Variants in SMIM13 observed in about 807,000 individuals in gnomAD.
The protein encoded by SMIM13 is UPF0766 protein C6orf228.
In SMIM13, 3 loss-of-function variants were observed where a neutral mutation model predicts 5.9. That is an observed-to-expected ratio of 0.51 (90% confidence interval 0.23 to 1.31). The LOEUF is 1.31. Among genes scored for constraint, SMIM13 ranks in the 40% most tolerant of loss-of-function variants. The pLI is 0.18. For synonymous variants in SMIM13, 55 were observed against 46.0 expected, an observed-to-expected ratio of 1.19 and a Z score of -0.79; for missense variants, 85 against 109.9, an observed-to-expected ratio of 0.77 and a Z score of 1.01.
intron 1 of SMIM13, among the ~76,000 whole-genome samples, chr6:11,129,499 C>T (rs1005902917): frequency 6.6e-6 from 1 of 152,170 alleles, no homozygotes; most frequent in Admixed American, 6.6e-5. Context: ...AGCATGTATG[C>T]AGATATCTCT....
Position 11,131,856 on chromosome 6 carries a change from A to C in SMIM13, c.77-2547A>C, listed in dbSNP as rs1018643808. Reference sequence around the variant, plus strand: ...TAGATGTAAATCTTCATGACGTAGGATTGGTCAGTGGTTTCCTAGATATGC... The same window carrying C: ...TAGATGTAAATCTTCATGACGTAGGCTTGGTCAGTGGTTTCCTAGATATGC... On this transcript the variant is annotated intron_variant, in intron 1 of 1. Transcript: ENST00000416247. 5.3e-5 allele frequency among the ~76,000 whole-genome samples: 8 copies of C among 152,250 alleles called. No homozygotes were observed. The East Asian group carries it at 1.5e-3, about 29-fold the overall frequency.
rs573832268 is a variant in SMIM13 at position 11,134,397 on chromosome 6, C to G, written c.77-6C>G. The G allele has an allele frequency of 4.5e-5, 69 of 1,548,652 alleles. No individual in the cohort carries two copies. In the African/African-American group the frequency reaches 9.3e-4, roughly 21 times the overall value. On this transcript the variant is annotated splice_region_variant and splice_polypyrimidine_tract_variant and intron_variant, in intron 1 of 1. Transcript: ENST00000416247. ...CTTTTCTTAATGTTTTTGTCTTTCT[C>G]TGTAGGTTGGTATTTTGTATGGCAT...
chr6:11,133,662 TC>T (rs1362822160), intron 1 of SMIM13, among the ~76,000 whole-genome samples: 1 of 152,112 alleles, frequency 6.6e-6, no homozygotes, highest in African/African-American at 2.4e-5. Context: ...TCCTGTGTGT[TC>T]CTTTATTGAT....
chr6:11,104,367 C>G (rs902912520), intron 1 of SMIM13: 1 of 1,551,670 alleles, frequency 6.4e-7, no homozygotes, highest in African/African-American at 1.4e-5. Flanking sequence ...GGTACAAGTT[C>G]CAGTCCAGTT....
intron 1 of SMIM13, among the ~76,000 whole-genome samples, chr6:11,117,411 G>A (rs956938963): frequency 1.7e-4 from 26 of 150,324 alleles, no homozygotes; most frequent in Non-Finnish European, 3.4e-4. Flanking sequence ...TCTTGACCTC[G>A]TGATCCGCCT....
At position 11,106,996 on chromosome 6, in the gene SMIM13, G is replaced by A. The variant is rs530972650; in HGVS notation, c.76+12607G>A. 9.2e-5 allele frequency among the ~76,000 whole-genome samples: 14 copies of A among 152,308 alleles called. 1 individual carries two copies. In the South Asian group the frequency reaches 1.4e-3, roughly 16 times the overall value. Reference sequence around the variant, plus strand: ...TTTAGGGCTTTCGTCAGCACAGTGAGTTTGGCTAATTGCACAGAGGTCCCC... The same window carrying A: ...TTTAGGGCTTTCGTCAGCACAGTGAATTTGGCTAATTGCACAGAGGTCCCC... On this transcript the variant is annotated intron_variant, in intron 1 of 1. Transcript: ENST00000416247.
chr6:11,097,089 C>T (rs1013999414), intron 1 of SMIM13, among the ~76,000 whole-genome samples: 8 of 152,150 alleles, frequency 5.3e-5, no homozygotes, highest in African/African-American at 1.2e-4. Flanking sequence ...CTGCCCACCT[C>T]GACCTCCCAA....
chr6:11,093,839 AG>A lies in SMIM13; in HGVS notation c.-474del, dbSNP rs1757884337. Among the ~76,000 whole-genome samples the A allele has an allele frequency of 6.6e-6, 1 of 152,192 alleles. No homozygotes were observed. The highest frequency in any genetic ancestry group is 2.1e-4 in the South Asian group (1 of 4,832). On this transcript the variant is annotated 5_prime_UTR_variant, in exon 1 of 2. Transcript: ENST00000416247. The stretch of plus-strand genomic sequence containing the variant: ...AGCGGTAGGGGGCCTGGGGCGGAGA[AG>A]CCGCTACAGCCGCGGCCGGGCGACG...
chr6:11,117,014 CGTA>C (rs1344419333), intron 1 of SMIM13, among the ~76,000 whole-genome samples: 3 of 59,496 alleles, frequency 5.0e-5, no homozygotes, highest in Non-Finnish European at 8.7e-5. Context: ...TTTTTTGAGA[CGTA>C]GTCTTGCTCT....
intron 1 of SMIM13, among the ~76,000 whole-genome samples, chr6:11,122,401 A>G (rs907174294): frequency 6.6e-6 from 1 of 152,240 alleles, no homozygotes; most frequent in African/African-American, 2.4e-5. Flanking sequence ...TATGAATCCT[A>G]TCCTCTTGTG....
At chr6:11,115,006 C>T (rs923601649) in intron 1 of SMIM13, among the ~76,000 whole-genome samples, 2 of 152,088 alleles carry the variant, frequency 1.3e-5, no homozygotes, top group African/African-American at 4.8e-5. Context: ...ACATGTTATC[C>T]ATTTTCTATA....
rs547814349 is a variant in SMIM13, at chr6:11,137,280, T to C, written c.*2678T>C. On this transcript the variant is annotated 3_prime_UTR_variant, in exon 2 of 2. Coordinates refer to ENST00000416247, the MANE Select transcript of SMIM13 (RefSeq NM_001135575.2). ...AAGATCTATAAACAAATCCTTTGTT[T>C]AGAACTTTTTTCTCTTCGTGCACCT... 6.6e-6 allele frequency: 1 copy of C among 152,286 alleles called. No individual in the cohort carries two copies. Among genetic ancestry groups the C allele is most frequent in the Admixed American group, 6.5e-5 (1 of 15,284 alleles). 9.4% of individuals were successfully genotyped at this position (152,286 alleles called of 1,614,324 possible).
chr6:11,115,428 G>T (rs1242181310), intron 1 of SMIM13, among the ~76,000 whole-genome samples: 1 of 152,114 alleles, frequency 6.6e-6, no homozygotes, highest in Non-Finnish European at 1.5e-5. Flanking sequence ...TTGTGACTGA[G>T]GACTCAAGGT....
intron 1 of SMIM13, among the ~76,000 whole-genome samples, chr6:11,096,760 C>T (rs1180971680): frequency 6.6e-6 from 1 of 151,762 alleles, no homozygotes; most frequent in Non-Finnish European, 1.5e-5. Context: ...AGTGCAATGG[C>T]GTGATCTCGG....
At chr6:11,124,134 C>G in intron 1 of SMIM13, among the ~76,000 whole-genome samples, 1 of 152,024 alleles carries the variant, frequency 6.6e-6, no homozygotes, top group Non-Finnish European at 1.5e-5. Flanking sequence ...ACCCATTAAC[C>G]ATTCCCACTC....
intron 1 of SMIM13, among the ~76,000 whole-genome samples, chr6:11,124,245 C>T (rs968850535): frequency 1.3e-5 from 2 of 152,172 alleles, no homozygotes; most frequent in South Asian, 2.1e-4. Flanking sequence ...AGTGAGAACA[C>T]GCAAAGTTTG....
intron 1 of SMIM13, among the ~76,000 whole-genome samples, chr6:11,114,592 CTTTTTT>C (rs58585640): frequency 9.2e-5 from 2 of 21,824 alleles, no homozygotes; most frequent in African/African-American, 2.1e-4. Context: ...CACTTTTTCT[CTTTTTT>C]TTTTTTTTTT....
chr6:11,093,852 G>A lies in SMIM13; in HGVS notation c.-462G>A, dbSNP rs1178784658. On this transcript the variant is annotated 5_prime_UTR_variant, in exon 1 of 2. Transcript: ENST00000416247. ...CTGGGGCGGAGAAGCCGCTACAGCC[G>A]CGGCCGGGCGACGCTGACATCTGGC... is the stretch of plus-strand genomic sequence containing the variant. Among the ~76,000 whole-genome samples the A allele has an allele frequency of 6.6e-6, 1 of 152,238 alleles. No homozygotes were observed. Among genetic ancestry groups the A allele is most frequent in the Non-Finnish European group, 1.5e-5 (1 of 68,042 alleles).
At position 11,105,189 on chromosome 6, in the gene SMIM13, G is replaced by A. The variant is rs569834054; in HGVS notation, c.76+10800G>A. The A allele has an allele frequency of 5.0e-6, 8 of 1,614,208 alleles. No homozygotes were observed. In the African/African-American group the frequency reaches 9.3e-5, roughly 19 times the overall value. On this transcript the variant is annotated intron_variant, in intron 1 of 1. Coordinates refer to ENST00000416247, the MANE Select transcript of SMIM13 (RefSeq NM_001135575.2). ...AGAGCTAGTACATAACCAGCAATTG[G>A]TGGAGTAAGGGGATCCTGTACTTTG...
Sources: allele counts gnomAD v4.1 joint callset (sites outside exome capture counted in the v4.1 genomes callset), GRCh38; gene constraint gnomAD v4.1.1; transcripts MANE v1.5; gene names NCBI Gene and HGNC (gene_info 2026-07-23, HGNC 2026-07-21).